The following SKA2 variants were observed in gnomAD, a reference collection of about 807,000 sequenced individuals.
SKA2 encodes the protein spindle and kinetochore-associated protein 2.
Under a neutral mutation model 16.9 loss-of-function variants are expected in SKA2, and 13 were observed. The ratio of observed to expected loss-of-function variants is 0.77; its 90% CI spans 0.50 to 1.22. SKA2 has a LOEUF of 1.22. Ranked by LOEUF, SKA2 falls within the 50% of genes most tolerant of loss-of-function variation. SKA2 has a pLI of 0.00. For synonymous variants in SKA2, 47 were observed against 48.5 expected (o/e 0.97, Z 0.13); for missense variants, 107 against 139.7 (o/e 0.77, Z 1.18).
intron 2 of SKA2, among the ~76,000 whole-genome samples, chr17:59,126,466 T>C (rs190558646): frequency 6.6e-6 from 1 of 152,206 alleles, no homozygotes; most frequent in East Asian, 1.9e-4. Flanking sequence ...CATAGTAATG[T>C]TCAATAAATA....
intron 1 of SKA2, among the ~76,000 whole-genome samples, chr17:59,147,109 G>C (rs1334958258): frequency 2.6e-5 from 4 of 151,898 alleles, no homozygotes; most frequent in Non-Finnish European, 5.9e-5. Flanking sequence ...AGTGAGCCGA[G>C]ATCACAGCAT....
At chr17:59,119,298 C>G (rs754362808) in intron 3 of SKA2, 21 bp downstream of exon 3, 2 of 1,611,500 alleles carry the variant, frequency 1.2e-6, no homozygotes, top group Non-Finnish European at 1.7e-6. Flanking sequence ...ACAAATCTAA[C>G]CTGTCAACTG....
chr17:59,142,626 T>TA (rs1185538230), intron 1 of SKA2, among the ~76,000 whole-genome samples: 15 of 148,776 alleles, frequency 1.0e-4, no homozygotes, highest in East Asian at 2.0e-4. Context: ...ATTTTAATAT[T>TA]AAAAAAAAAG....
Position 59,155,078 on chromosome 17 carries a change from G to A in SKA2, c.33+53C>T, listed in dbSNP as rs547241095. 16 of 1,614,002 alleles carry A rather than the reference G, an allele frequency of 9.9e-6. No homozygotes were observed. The South Asian group carries it at 1.5e-4, about 16-fold the overall frequency. ...ACTCCAAATTGTGCCCCACCTCCGA[G>A]GCCATGGGGGAAAAATAAACTACCC... On this transcript the variant is annotated intron_variant, in intron 1 of 3. Coordinates refer to ENST00000330137, the MANE Select transcript of SKA2 (RefSeq NM_182620.4).
At chr17:59,131,233 A>C in intron 2 of SKA2, 48 bp downstream of exon 2, 1 of 1,320,412 alleles carries the variant, frequency 7.6e-7, no homozygotes. Flanking sequence ...ATTCTAAAGT[A>C]TTCAGTTAAG....
At chr17:59,137,990 T>G (rs533458045) in intron 1 of SKA2, 162 of 253,220 alleles carry the variant, frequency 6.4e-4, no homozygotes, top group Non-Finnish European at 1.2e-3. Context: ...GCCCTTTCAG[T>G]TACAAATCAG....
intron 3 of SKA2, among the ~76,000 whole-genome samples, chr17:59,113,957 T>C (rs1340910161): frequency 6.6e-6 from 1 of 152,172 alleles, no homozygotes; most frequent in African/African-American, 2.4e-5. Flanking sequence ...CTCACAGCTC[T>C]AATATCCTGG....
chr17:59,118,929 C>T (rs1378597799), intron 3 of SKA2, among the ~76,000 whole-genome samples: 2 of 152,154 alleles, frequency 1.3e-5, no homozygotes, highest in East Asian at 3.8e-4. Context: ...CTTCCTCCTT[C>T]CCATGCTCGT....
intron 1 of SKA2, among the ~76,000 whole-genome samples, chr17:59,139,581 C>T (rs892395620): frequency 2.0e-5 from 3 of 151,908 alleles, no homozygotes; most frequent in Non-Finnish European, 4.4e-5. Context: ...AAATCCTGAG[C>T]TCACGTAATC....
chr17:59,131,389 T>C, intron 1 of SKA2, 22 bp from the exon 2 acceptor site: 1 of 1,498,580 alleles, frequency 6.7e-7, no homozygotes, highest in Non-Finnish European at 9.0e-7. Context: ...CACAAATCAT[T>C]ATTGTGTAAA....
intron 1 of SKA2, among the ~76,000 whole-genome samples, chr17:59,146,268 G>A (rs1354180866): frequency 6.6e-6 from 1 of 152,126 alleles, no homozygotes; most frequent in Non-Finnish European, 1.5e-5. Flanking sequence ...AGAGGCCAAG[G>A]TGGGAGGATC....
intron 2 of SKA2, among the ~76,000 whole-genome samples, chr17:59,121,527 C>T (rs1349102284): frequency 4.7e-5 from 7 of 149,954 alleles, no homozygotes; most frequent in African/African-American, 1.7e-4. Flanking sequence ...TTGTGGTGGG[C>T]GCCTGTAGTC....
chr17:59,146,996 C>CT (rs1228727249), intron 1 of SKA2, among the ~76,000 whole-genome samples: 16 of 150,654 alleles, frequency 1.1e-4, no homozygotes, highest in Non-Finnish European at 2.1e-4. Context: ...TTTTTCTTTT[C>CT]TTTTTTTTTG....
At chr17:59,134,936 C>G (rs756595657) in intron 1 of SKA2, among the ~76,000 whole-genome samples, 6 of 152,040 alleles carry the variant, frequency 3.9e-5, no homozygotes, top group Non-Finnish European at 8.8e-5. Context: ...CCAGGCTCAA[C>G]AGATCCTCCC....
chr17:59,114,054 A>C (rs944269047), intron 3 of SKA2, among the ~76,000 whole-genome samples: 2 of 152,146 alleles, frequency 1.3e-5, no homozygotes, highest in Non-Finnish European at 2.9e-5. Flanking sequence ...AGAAGAAAAG[A>C]AGCTTTCTCT....
At chr17:59,123,703 T>C (rs908942435) in intron 2 of SKA2, among the ~76,000 whole-genome samples, 3 of 152,152 alleles carry the variant, frequency 2.0e-5, no homozygotes, top group African/African-American at 7.2e-5. Context: ...TGTGAGCTAC[T>C]ACATCAGGCC....
rs914873737 is a variant in SKA2 at position 59,110,594 on chromosome 17, G to C, written c.*1683C>G. On this transcript the variant is annotated 3_prime_UTR_variant, in exon 4 of 4. Coordinates refer to ENST00000330137, the MANE Select transcript of SKA2 (RefSeq NM_182620.4). ...GATCACCATCAGGAGTTAAAGACCA[G>C]CCTGGTCAAGATGGTGAAGCCCCAT... 1 of 151,998 alleles carries C rather than the reference G, an allele frequency of 6.6e-6. No individual in the cohort carries two copies. Among genetic ancestry groups the C allele is most frequent in the Non-Finnish European group, 1.5e-5 (1 of 68,052 alleles). The allele number at this position is 151,998 out of a possible 1,614,324, so 9.4% of individuals were successfully genotyped here. A position where few individuals can be genotyped will look rare whatever the true frequency, so the allele number is the denominator to read the frequency against.
chr17:59,122,080 A>C (rs191608178), intron 2 of SKA2, among the ~76,000 whole-genome samples: 3 of 152,302 alleles, frequency 2.0e-5, no homozygotes, highest in Admixed American at 2.0e-4. Flanking sequence ...TCCATGGGAG[A>C]AAATAAAACT....
At chr17:59,112,369 TTA>T (rs761500025) in intron 3 of SKA2, 24 bp from the exon 4 acceptor site, 1 of 1,584,006 alleles carries the variant, frequency 6.3e-7, no homozygotes, top group Non-Finnish European at 8.6e-7. Context: ...GATAAAATCT[TTA>T]TTTCAAAAAC....
Sources: gnomAD v4.1 joint callset for allele counts (sites outside exome capture counted in the v4.1 genomes callset) on GRCh38, gnomAD v4.1.1 for gene constraint, MANE v1.5 for transcripts, NCBI Gene and HGNC (gene_info 2026-07-23, HGNC 2026-07-21) for gene names.